The following POPDC1 variants were observed in gnomAD, a reference collection of about 807,000 sequenced individuals.
The protein encoded by POPDC1 is popeye domain cAMP effector 1.
At chr6:105,120,846 G>T in the POPDC1 span, among the ~76,000 whole-genome samples, 1 of 152,174 alleles carries the variant, frequency 6.6e-6, no homozygotes, top group African/African-American at 2.4e-5. Flanking sequence ...CTTTTTGCAT[G>T]CATCATACTG....
At chr6:105,127,937 T>C in the POPDC1 span, among the ~76,000 whole-genome samples, 1 of 152,196 alleles carries the variant, frequency 6.6e-6, no homozygotes, top group Admixed American at 6.5e-5. Flanking sequence ...TTTTGTATTT[T>C]TTAGTAGAGA....
At chr6:105,100,337 A>ATCCG in the POPDC1 span, 8 of 151,424 alleles carry the variant, frequency 5.3e-5, no homozygotes, top group Admixed American at 5.3e-4. Context: ...GTGAAACCCC[A>ATCCG]TCTCTACTAA....
chr6:105,125,056 T>A, the POPDC1 span, among the ~76,000 whole-genome samples: 1 of 152,192 alleles, frequency 6.6e-6, no homozygotes, highest in African/African-American at 2.4e-5. Context: ...TCAAGACAAA[T>A]TAACTCTGGA....
chr6:105,124,648 C>A, the POPDC1 span: 2 of 1,590,654 alleles, frequency 1.3e-6, no homozygotes, highest in Non-Finnish European at 1.7e-6. Context: ...CGATAGGAGA[C>A]CTTCATTCTG....
chr6:105,105,238 GTA>G, the POPDC1 span, among the ~76,000 whole-genome samples: 2 of 152,202 alleles, frequency 1.3e-5, no homozygotes, highest in Admixed American at 6.5e-5. Flanking sequence ...TTCCACCTTG[GTA>G]GACACACTGG....
At chr6:105,111,897 T>A in the POPDC1 span, among the ~76,000 whole-genome samples, 14 of 152,236 alleles carry the variant, frequency 9.2e-5, no homozygotes, top group African/African-American at 3.4e-4. Flanking sequence ...CATTACTGAT[T>A]GAGATCTTTA....
At chr6:105,111,364 G>A in the POPDC1 span, among the ~76,000 whole-genome samples, 1 of 152,294 alleles carries the variant, frequency 6.6e-6, no homozygotes, top group African/African-American at 2.4e-5. Flanking sequence ...TACATGAAGG[G>A]AGCTAAGAAG....
chr6:105,101,946 T>C, the POPDC1 span, among the ~76,000 whole-genome samples: 3 of 152,234 alleles, frequency 2.0e-5, no homozygotes. Flanking sequence ...ATGCTTGATG[T>C]AGAAGAAAAT....
At chr6:105,133,502 G>T in the POPDC1 span, 9 of 1,613,822 alleles carry the variant, frequency 5.6e-6, no homozygotes, top group Non-Finnish European at 6.8e-6. Flanking sequence ...GAAGGCACAG[G>T]TATGATACTT....
the POPDC1 span, among the ~76,000 whole-genome samples, chr6:105,105,185 C>T: frequency 9.2e-5 from 14 of 152,186 alleles, no homozygotes; most frequent in African/African-American, 3.4e-4. Context: ...GCAATCCCCC[C>T]CCAACTCCCT....
the POPDC1 span, among the ~76,000 whole-genome samples, chr6:105,104,244 C>A: frequency 5.5e-4 from 83 of 152,248 alleles, no homozygotes; most frequent in African/African-American, 2.0e-3. Flanking sequence ...TCATGTGTAA[C>A]CCTCCATGAC....
At chr6:105,132,299 C>T in the POPDC1 span, among the ~76,000 whole-genome samples, 7 of 152,314 alleles carry the variant, frequency 4.6e-5, no homozygotes, top group South Asian at 2.1e-4. Context: ...CACTACTCTA[C>T]GTTCACCCCA....
the POPDC1 span, chr6:105,116,757 CAATAA>C: frequency 6.2e-7 from 1 of 1,610,762 alleles, no homozygotes. Context: ...ATGTCTTTTC[CAATAA>C]GATACCTAAA....
the POPDC1 span, chr6:105,129,620 T>A: frequency 9.9e-6 from 10 of 1,013,922 alleles, no homozygotes; most frequent in Non-Finnish European, 1.4e-5. Context: ...GGTGATACTT[T>A]GCAAGACCCC....
the POPDC1 span, chr6:105,101,129 G>A: frequency 2.2e-5 from 35 of 1,613,564 alleles, no homozygotes; most frequent in East Asian, 1.3e-4. Flanking sequence ...TGGAGATGCC[G>A]GTTCAAAAAC....
chr6:105,133,502 G>A, the POPDC1 span: 1 of 1,613,704 alleles, frequency 6.2e-7, no homozygotes, highest in Non-Finnish European at 8.5e-7. Context: ...GAAGGCACAG[G>A]TATGATACTT....
chr6:105,115,187 C>T, the POPDC1 span, among the ~76,000 whole-genome samples: 1 of 152,220 alleles, frequency 6.6e-6, no homozygotes, highest in Admixed American at 6.5e-5. Flanking sequence ...CCCAGGTTCA[C>T]GCCATTCTCC....
At chr6:105,129,231 G>T in the POPDC1 span, 2 of 540,022 alleles carry the variant, frequency 3.7e-6, no homozygotes, top group African/African-American at 5.9e-5. Context: ...TTCACTTTCA[G>T]GCATAATGTA....
the POPDC1 span, among the ~76,000 whole-genome samples, chr6:105,128,635 CTATTA>C: frequency 9.9e-5 from 15 of 152,124 alleles, no homozygotes; most frequent in Admixed American, 1.3e-4. Context: ...AGTTGAATGC[CTATTA>C]TATATCATCT....
Sources: gnomAD v4.1 joint callset for allele counts (sites outside exome capture counted in the v4.1 genomes callset) on GRCh38, gnomAD v4.1.1 for gene constraint, MANE v1.5 for transcripts, NCBI Gene and HGNC (gene_info 2026-07-23, HGNC 2026-07-21) for gene names.